The following UROS variants were observed in gnomAD, a reference collection of about 807,000 sequenced individuals.
UROS encodes the protein uroporphyrinogen III synthase, also known as uroporphyrinogen-III synthase.
A neutral mutation model predicts 33.0 loss-of-function variants in UROS; 18 were observed. The ratio of observed to expected loss-of-function variants is 0.55; its 90% CI spans 0.38 to 0.81. The LOEUF (loss-of-function observed/expected upper bound fraction) is 0.81. Ranked by LOEUF, UROS falls within the 30% of genes least tolerant of loss-of-function variation. UROS has a pLI of 0.00. For missense variants in UROS, 293 were observed against 314.9 expected, an observed-to-expected ratio of 0.93 and a Z score of 0.53; for synonymous variants, 114 against 121.1, an observed-to-expected ratio of 0.94 and a Z score of 0.38.
rs774445374 is a variant in UROS, at chr10:125,788,962, T to TCTGG, written c.703_704insCCAG (p.Gln235ProfsTer73). ...TGCAGTGCAGCTTACAGGAAGGCCC[T>TCTGG]GGGCGGCCAGCGCGCGAGCCGTAGT... On this transcript the variant is annotated frameshift_variant, in exon 10 of 10. Coordinates refer to ENST00000368797, the MANE Select transcript of UROS (RefSeq NM_000375.3). LOFTEE classifies it high-confidence loss of function. 22 of 1,611,668 alleles carry TCTGG rather than the reference T, an allele frequency of 1.4e-5. No homozygotes were observed. Among genetic ancestry groups the TCTGG allele is most frequent in the Non-Finnish European group, 1.7e-5 (20 of 1,179,816 alleles).
intron 1 of UROS, among the ~76,000 whole-genome samples, chr10:125,821,994 T>C (rs1464593175): frequency 2.6e-5 from 4 of 152,208 alleles, no homozygotes; most frequent in African/African-American, 4.8e-5. Context: ...CATCTCGTAC[T>C]GATGAAGGAT....
intron 8 of UROS, 43 bp downstream of exon 8, chr10:125,796,060 C>A: frequency 6.3e-7 from 1 of 1,592,352 alleles, no homozygotes; most frequent in Non-Finnish European, 8.6e-7. Flanking sequence ...GCTTCCCCAC[C>A]TGGGCACCCA....
intron 1 of UROS, among the ~76,000 whole-genome samples, chr10:125,817,720 G>A (rs779377177): frequency 6.6e-6 from 1 of 152,130 alleles, no homozygotes; most frequent in Non-Finnish European, 1.5e-5. Context: ...AAGCTGAGGT[G>A]TACAGAGGAT....
Position 125,796,287 on chromosome 10 carries a change from A to G in UROS, c.476-99T>C, listed in dbSNP as rs945352837. 3 of 1,189,068 alleles carry G rather than the reference A, an allele frequency of 2.5e-6. No homozygotes were observed. In the African/African-American group the frequency reaches 4.5e-5, roughly 18 times the overall value. The allele number at this position is 1,189,068 out of a possible 1,614,324, so 73.7% of individuals were successfully genotyped here. On this transcript the variant is annotated intron_variant, in intron 7 of 9. Coordinates refer to ENST00000368797, the MANE Select transcript of UROS (RefSeq NM_000375.3). The stretch of plus-strand genomic sequence containing the variant: ...AGTTGGTGAAACCTCCCAATACAGC[A>G]CCACCCTCCTGGAACGAGCTGCTTG...
chr10:125,817,230 T>TTTC (rs1321557722), intron 1 of UROS, among the ~76,000 whole-genome samples: 2 of 133,710 alleles, frequency 1.5e-5, no homozygotes, highest in Non-Finnish European at 3.1e-5. Context: ...ATGTATTTTT[T>TTTC]TTTTTTTTTT....
At chr10:125,792,409 C>G (rs1707550909) in intron 9 of UROS, 1 of 152,230 alleles carries the variant, frequency 6.6e-6, no homozygotes, top group South Asian at 2.1e-4. Flanking sequence ...GTGAGTGCAC[C>G]AGCCTGGCTT....
intron 9 of UROS, chr10:125,792,184 C>T (rs1033962741): frequency 6.6e-6 from 1 of 152,040 alleles, no homozygotes; most frequent in South Asian, 2.1e-4. Flanking sequence ...AAAGAAACTC[C>T]CTGGGACTGG....
At chr10:125,794,092 C>A (rs1851151424) in intron 9 of UROS, 1 of 152,668 alleles carries the variant, frequency 6.6e-6, no homozygotes, top group South Asian at 2.1e-4. Context: ...GCTCCTGAGA[C>A]CATGGCAAGG....
At chr10:125,797,004 T>G in intron 7 of UROS, 1 of 326,118 alleles carries the variant, frequency 3.1e-6, no homozygotes, top group African/African-American at 2.2e-5. Context: ...TCTTTAAGGG[T>G]AACTGAGACC....
chr10:125,799,896 T>C (rs1851676683), intron 6 of UROS, among the ~76,000 whole-genome samples: 1 of 152,158 alleles, frequency 6.6e-6, no homozygotes, highest in African/African-American at 2.4e-5. Flanking sequence ...TATTCCCTTT[T>C]GGAATATGCT....
chr10:125,785,826 C>G (rs1057508815), downstream of UROS: 1 of 152,266 alleles, frequency 6.6e-6, no homozygotes, highest in African/African-American at 2.4e-5. Flanking sequence ...CAGCAACTCT[C>G]CTCCATCCAG....
intron 6 of UROS, among the ~76,000 whole-genome samples, chr10:125,799,329 G>C (rs908820145): frequency 1.3e-5 from 2 of 152,190 alleles, no homozygotes; most frequent in African/African-American, 2.4e-5. Context: ...ATGTTTTCAT[G>C]CTCTGCATCC....
rs574929126 is a variant in UROS, at chr10:125,803,448, C to A, written c.394+3965G>T. On this transcript the variant is annotated intron_variant, in intron 6 of 9. Coordinates refer to ENST00000368797, the MANE Select transcript of UROS (RefSeq NM_000375.3). Reference sequence around the variant, plus strand: ...CTTCAAGGCAAGACCTGCCACAGCACCCCAGGCCCTGCTCTTAGACTGCGA... The same window carrying A: ...CTTCAAGGCAAGACCTGCCACAGCAACCCAGGCCCTGCTCTTAGACTGCGA... Among the ~76,000 whole-genome samples the A allele has an allele frequency of 3.1e-4, 47 of 152,318 alleles. 1 individual carries two copies. Among genetic ancestry groups the A allele is most frequent in the Non-Finnish European group, 4.9e-4 (33 of 68,020 alleles).
rs975911617 is a variant in UROS, at chr10:125,823,162, G to A, written c.-160C>T. On this transcript the variant is annotated 5_prime_UTR_variant, in exon 1 of 10. Transcript: ENST00000368797. Reference sequence around the variant, plus strand: ...CGGAAGCCCCCTCCCCACGCAGCCCGAGGGGCCGCGGCGGCCACCCGCGCC... The same window carrying A: ...CGGAAGCCCCCTCCCCACGCAGCCCAAGGGGCCGCGGCGGCCACCCGCGCC... 1.2e-5 allele frequency: 2 copies of A among 170,648 alleles called. No individual in the cohort carries two copies. The highest frequency in any genetic ancestry group is 2.5e-5 in the Non-Finnish European group (2 of 80,298). 10.6% of individuals were successfully genotyped at this position (170,648 alleles called of 1,614,324 possible). A position where few individuals can be genotyped will look rare whatever the true frequency, so the allele number is the denominator to read the frequency against.
At chr10:125,791,060 C>G (rs2133806989) in intron 9 of UROS, among the ~76,000 whole-genome samples, 1 of 151,100 alleles carries the variant, frequency 6.6e-6, no homozygotes, top group East Asian at 1.9e-4. Flanking sequence ...TCACTGCACT[C>G]CAGCCTGGGC....
downstream of UROS, chr10:125,788,550 C>G: frequency 7.9e-7 from 1 of 1,262,628 alleles, no homozygotes; most frequent in Non-Finnish European, 1.0e-6. Context: ...CAGCTTTGCA[C>G]TTAAAATGAC....
intron 6 of UROS, among the ~76,000 whole-genome samples, chr10:125,804,256 T>C (rs2133881153): frequency 6.6e-6 from 1 of 152,288 alleles, no homozygotes; most frequent in Admixed American, 6.5e-5. Flanking sequence ...GCCTACATAA[T>C]GGAACCTCCA....
At chr10:125,815,639 A>T in intron 3 of UROS, among the ~76,000 whole-genome samples, 1 of 152,122 alleles carries the variant, frequency 6.6e-6, no homozygotes, top group Non-Finnish European at 1.5e-5. Context: ...TGGGCACTGA[A>T]TTTTCACTCT....
intron 1 of UROS, among the ~76,000 whole-genome samples, chr10:125,818,757 G>C (rs1031523473): frequency 6.6e-6 from 1 of 152,154 alleles, no homozygotes; most frequent in Admixed American, 6.5e-5. Flanking sequence ...ACATTGGAAA[G>C]GGGCTGTGAG....
Sources: allele counts gnomAD v4.1 joint callset (sites outside exome capture counted in the v4.1 genomes callset), GRCh38; gene constraint gnomAD v4.1.1; transcripts MANE v1.5; gene names NCBI Gene and HGNC (gene_info 2026-07-23, HGNC 2026-07-21).